ZNG1E: variants seen among roughly 807,000 people sequenced by gnomAD.
ZNG1E encodes Zn regulated GTPase metalloprotein activator 1E, also known as zinc-regulated GTPase metalloprotein activator 1E.
chr9:65,703,801 T>G, the ZNG1E span: 1 of 971,876 alleles, frequency 1.0e-6, no homozygotes, highest in Non-Finnish European at 1.2e-6. Context: ...CAGACTGCCA[T>G]TAAGTGTTAG....
At chr9:65,653,908 AGACCCTCTTTC>A in the ZNG1E span, among the ~76,000 whole-genome samples, 1 of 105,644 alleles carries the variant, frequency 9.5e-6, no homozygotes, top group Admixed American at 1.1e-4. Context: ...TAGAGATTTA[AGACCCTCTTTC>A]ATTTAAATTT....
At chr9:65,709,657 C>G in the ZNG1E span, among the ~76,000 whole-genome samples, 10 of 138,246 alleles carry the variant, frequency 7.2e-5, no homozygotes, top group East Asian at 2.1e-3. Flanking sequence ...CCAATTTCAT[C>G]CATGTCCCTA....
chr9:65,680,519 G>C, the ZNG1E span, among the ~76,000 whole-genome samples: 1 of 151,866 alleles, frequency 6.6e-6, no homozygotes, highest in Non-Finnish European at 1.5e-5. Flanking sequence ...TTAATGTTCT[G>C]TATATAGTCC....
chr9:65,714,073 C>A, the ZNG1E span, among the ~76,000 whole-genome samples: 1 of 149,450 alleles, frequency 6.7e-6, no homozygotes, highest in Non-Finnish European at 1.5e-5. Context: ...TCTTTTTTCT[C>A]TAAACTTCCC....
the ZNG1E span, among the ~76,000 whole-genome samples, chr9:65,716,387 G>A: frequency 3.5e-4 from 53 of 151,540 alleles, no homozygotes; most frequent in African/African-American, 1.3e-3. Context: ...CAAACTCCTG[G>A]GCTCAAGTGA....
At chr9:65,680,928 A>G in the ZNG1E span, among the ~76,000 whole-genome samples, 1 of 152,312 alleles carries the variant, frequency 6.6e-6, no homozygotes, top group East Asian at 1.9e-4. Context: ...AGCTGGGACT[A>G]CAGGTGCCCG....
At chr9:65,660,599 A>G in the ZNG1E span, among the ~76,000 whole-genome samples, 1 of 151,976 alleles carries the variant, frequency 6.6e-6, no homozygotes, top group Non-Finnish European at 1.5e-5. Context: ...TTACTTTACT[A>G]AGGCTAAATA....
the ZNG1E span, chr9:65,703,754 G>A: frequency 1.0e-6 from 1 of 969,378 alleles, no homozygotes; most frequent in Non-Finnish European, 1.2e-6. Context: ...CCTTAGATGA[G>A]TGGCTTGTCT....
the ZNG1E span, among the ~76,000 whole-genome samples, chr9:65,672,605 G>A: frequency 1.8e-4 from 27 of 151,810 alleles, no homozygotes; most frequent in South Asian, 6.3e-4. Context: ...TTAGCTGGGC[G>A]TGGTGGTGCA....
the ZNG1E span, among the ~76,000 whole-genome samples, chr9:65,672,608 G>T: frequency 1.3e-5 from 2 of 151,726 alleles, no homozygotes; most frequent in East Asian, 1.9e-4. Context: ...GCTGGGCGTG[G>T]TGGTGCATAC....
chr9:65,687,198 A>T, the ZNG1E span, among the ~76,000 whole-genome samples: 11 of 138,284 alleles, frequency 8.0e-5, no homozygotes, highest in Non-Finnish European at 1.7e-4. Flanking sequence ...CCATTGTAGG[A>T]TATTAATTGG....
chr9:65,660,813 G>T, the ZNG1E span, among the ~76,000 whole-genome samples: 1 of 135,760 alleles, frequency 7.4e-6, no homozygotes, highest in Non-Finnish European at 1.6e-5. Flanking sequence ...ACACATCTGT[G>T]GTTGTGGTTA....
At chr9:65,721,174 A>G in the ZNG1E span, among the ~76,000 whole-genome samples, 24 of 143,844 alleles carry the variant, frequency 1.7e-4, no homozygotes, top group African/African-American at 6.4e-4. Flanking sequence ...ATGAACCCCT[A>G]TTGTGGCAGT....
At chr9:65,702,776 GATTT>G in the ZNG1E span, among the ~76,000 whole-genome samples, 1 of 72,974 alleles carries the variant, frequency 1.4e-5, no homozygotes, top group East Asian at 2.9e-4. Flanking sequence ...GAATATATGT[GATTT>G]ATTGTTTGAA....
chr9:65,689,629 GA>G, the ZNG1E span, among the ~76,000 whole-genome samples: 26 of 126,600 alleles, frequency 2.1e-4, no homozygotes, highest in South Asian at 8.0e-3. Context: ...TTCAACTTAA[GA>G]GGCAAATATT....
the ZNG1E span, chr9:65,719,994 A>G: frequency 1.3e-6 from 2 of 1,595,614 alleles, no homozygotes. Context: ...GTATAAAGTT[A>G]AATCAGAAGT....
chr9:65,675,599 C>A, the ZNG1E span, among the ~76,000 whole-genome samples: 4 of 149,148 alleles, frequency 2.7e-5, no homozygotes, highest in Admixed American at 1.3e-4. Context: ...TCAGGTTACC[C>A]ACTCCAGATT....
the ZNG1E span, among the ~76,000 whole-genome samples, chr9:65,672,727 A>G: frequency 1.4e-5 from 2 of 145,648 alleles, no homozygotes; most frequent in African/African-American, 5.3e-5. Context: ...TCGGCAACAG[A>G]GTAAGACTCC....
the ZNG1E span, among the ~76,000 whole-genome samples, chr9:65,709,384 G>T: frequency 1.4e-5 from 2 of 147,916 alleles, no homozygotes; most frequent in African/African-American, 2.6e-5. Context: ...TAAGGTTTAG[G>T]GTACATGTGC....
Sources: allele counts gnomAD v4.1 joint callset (sites outside exome capture counted in the v4.1 genomes callset), GRCh38; gene constraint gnomAD v4.1.1; transcripts MANE v1.5; gene names NCBI Gene and HGNC (gene_info 2026-07-23, HGNC 2026-07-21).